The following ARHGAP18 variants were observed in gnomAD, a reference collection of about 807,000 sequenced individuals.
The protein encoded by ARHGAP18 is rho GTPase-activating protein 18.
ARHGAP18 carries 67 observed loss-of-function variants against 86.2 expected under a neutral mutation model. The ratio of observed to expected loss-of-function variants is 0.78; its 90% CI spans 0.64 to 0.95. The LOEUF is 0.95. ARHGAP18 is among the 40% of genes least tolerant of loss of function. The pLI, the probability that ARHGAP18 is intolerant of heterozygous loss-of-function variation, is 0.00. For missense variants in ARHGAP18, 691 were observed against 780.4 expected (o/e 0.89, Z 1.37); for synonymous variants, 283 against 280.4 (o/e 1.01, Z -0.09).
At chr6:129,599,459 T>C in intron 11 of ARHGAP18, 103 bp from the exon 12 acceptor site, 1 of 1,073,480 alleles carries the variant, frequency 9.3e-7, no homozygotes, top group Non-Finnish European at 1.2e-6. Context: ...CAGTAAAGAG[T>C]TTCTCTTTTT....
chr6:129,647,571 A>G (rs990964929), intron 1 of ARHGAP18, among the ~76,000 whole-genome samples: 22 of 151,924 alleles, frequency 1.4e-4, no homozygotes, highest in Admixed American at 9.8e-4. Context: ...TCCCACTTTT[A>G]TTTCCATGCA....
chr6:129,698,744 G>C (rs2114553494), intron 1 of ARHGAP18, among the ~76,000 whole-genome samples: 3 of 148,254 alleles, frequency 2.0e-5, no homozygotes, highest in Middle Eastern at 6.9e-3. Context: ...ACCCAAGCTG[G>C]AGTGCAATGG....
Position 129,634,082 on chromosome 6 carries a change from CT to C in ARHGAP18, c.575del (p.Gln192ArgfsTer26), listed in dbSNP as rs1483020428. The C allele has an allele frequency of 1.9e-6, 3 of 1,613,070 alleles. No individual in the cohort carries two copies. The highest frequency in any genetic ancestry group is 3.3e-5 in the Admixed American group (2 of 59,920). ...ATTTGTTTTCATTTGTTCTAAGTGA[CT>C]GCGATTCAGTGCCACCTGGAGCCTA... ...KETAPGGTES[Q>X]SLRTNENKYQ... On this transcript the variant is annotated frameshift_variant, in exon 4 of 15. Transcript: ENST00000368149. LOFTEE classifies it high-confidence loss of function.
rs1773787124 is a variant in ARHGAP18, at chr6:129,654,530, A to G, written c.114-12512T>C. 2.6e-5 allele frequency among the ~76,000 whole-genome samples: 4 copies of G among 152,132 alleles called. No individual in the cohort carries two copies. In the South Asian group the frequency reaches 8.3e-4, roughly 32 times the overall value. ...GAGTAGCAAAATTCCCACTTAACCAAAAGCAATATGGCATCAGGTTCCAAA... is the reference window on the plus strand; with the variant it reads ...GAGTAGCAAAATTCCCACTTAACCAGAAGCAATATGGCATCAGGTTCCAAA... On this transcript the variant is annotated intron_variant, in intron 1 of 14. Coordinates refer to ENST00000368149, the MANE Select transcript of ARHGAP18 (RefSeq NM_033515.3).
intron 11 of ARHGAP18, 36 bp from the exon 12 acceptor site, chr6:129,599,392 A>G (rs778349052): frequency 2.1e-6 from 3 of 1,418,032 alleles, no homozygotes; most frequent in African/African-American, 2.9e-5. Flanking sequence ...GAGAGGAAAA[A>G]GAAATGCCAC....
intron 1 of ARHGAP18, among the ~76,000 whole-genome samples, chr6:129,660,225 A>G (rs533124254): frequency 8.5e-5 from 13 of 152,332 alleles, no homozygotes; most frequent in South Asian, 2.1e-4. Flanking sequence ...TTTTAGAAAG[A>G]TAATTCTGAG....
intron 1 of ARHGAP18, among the ~76,000 whole-genome samples, chr6:129,703,098 T>C (rs965926405): frequency 6.6e-6 from 1 of 152,182 alleles, no homozygotes; most frequent in Non-Finnish European, 1.5e-5. Flanking sequence ...GAGGGAACTA[T>C]CCCTGTGGCC....
At chr6:129,708,778 A>G (rs1166992515) in intron 1 of ARHGAP18, among the ~76,000 whole-genome samples, 1 of 152,204 alleles carries the variant, frequency 6.6e-6, no homozygotes, top group East Asian at 1.9e-4. Flanking sequence ...AATGATTACT[A>G]ATACATTACA....
At chr6:129,661,126 TAGTC>T (rs1169233638) in intron 1 of ARHGAP18, among the ~76,000 whole-genome samples, 2 of 150,950 alleles carry the variant, frequency 1.3e-5, no homozygotes, top group Non-Finnish European at 2.9e-5. Flanking sequence ...TGTTCCTTAA[TAGTC>T]AGGGATGCTA....
rs1304431906 is a variant in ARHGAP18, at chr6:129,625,397, A to T, written c.786+3956T>A. On this transcript the variant is annotated intron_variant, in intron 5 of 14. Coordinates refer to ENST00000368149, the MANE Select transcript of ARHGAP18 (RefSeq NM_033515.3). The stretch of plus-strand genomic sequence containing the variant: ...TATATTATATATTATATATTTATAC[A>T]TATGTATTATATATTATATATAATA... Among the ~76,000 whole-genome samples the T allele has an allele frequency of 1.4e-4, 8 of 55,278 alleles. 1 individual carries two copies. Among genetic ancestry groups the T allele is most frequent in the African/African-American group, 8.3e-4 (7 of 8,434 alleles). The allele number at this position is 55,278 out of a possible 152,430, so 36.3% of individuals were successfully genotyped here.
Position 129,585,238 on chromosome 6 carries a change from G to A in ARHGAP18, c.1714-1126C>T, listed in dbSNP as rs187812853. ...ACCCAGGAGGCAGAGGTTGCAGTGA[G>A]CTGAGACGCACTCCAGCCTGGGAGA... On this transcript the variant is annotated intron_variant, in intron 12 of 14. Coordinates refer to ENST00000368149, the MANE Select transcript of ARHGAP18 (RefSeq NM_033515.3). 2.0e-3 allele frequency among the ~76,000 whole-genome samples: 306 copies of A among 151,960 alleles called. 1 individual carries two copies. The highest frequency in any genetic ancestry group is 2.7e-3 in the Non-Finnish European group (185 of 67,964).
chr6:129,666,704 T>A (rs1774047204), intron 1 of ARHGAP18, among the ~76,000 whole-genome samples: 1 of 152,218 alleles, frequency 6.6e-6, no homozygotes, highest in African/African-American at 2.4e-5. Context: ...ACATCCTGAC[T>A]ATACCTGCAC....
intron 1 of ARHGAP18, among the ~76,000 whole-genome samples, chr6:129,694,230 T>C (rs1774575611): frequency 6.6e-6 from 1 of 152,200 alleles, no homozygotes; most frequent in Admixed American, 6.5e-5. Context: ...TCACAAAAGA[T>C]AGAAACAAAA....
chr6:129,589,677 T>C (rs9385501), intron 12 of ARHGAP18, among the ~76,000 whole-genome samples: 19,427 of 152,162 alleles, frequency 0.13, 1,402 homozygotes, highest in East Asian at 0.3. Flanking sequence ...GGTATCTTTA[T>C]AGCAGCACCC....
chr6:129,653,612 A>C (rs1220416156), intron 1 of ARHGAP18, among the ~76,000 whole-genome samples: 4 of 152,230 alleles, frequency 2.6e-5, no homozygotes, highest in Admixed American at 1.3e-4. Flanking sequence ...ACAAAGTAGA[A>C]TATGTGAATA....
intron 1 of ARHGAP18, among the ~76,000 whole-genome samples, chr6:129,656,368 G>A (rs1451486574): frequency 6.6e-6 from 1 of 152,242 alleles, no homozygotes; most frequent in Non-Finnish European, 1.5e-5. Flanking sequence ...AGTAGGCCAG[G>A]TGCGGTGGCT....
chr6:129,668,649 C>G (rs889007987), intron 1 of ARHGAP18, among the ~76,000 whole-genome samples: 4 of 152,138 alleles, frequency 2.6e-5, no homozygotes, highest in African/African-American at 9.7e-5. Flanking sequence ...CCGGAGCCCA[C>G]CAGGCACTTT....
chr6:129,606,143 G>A (rs1208259010), intron 9 of ARHGAP18, among the ~76,000 whole-genome samples, 184 bp from the exon 10 acceptor site: 1 of 152,216 alleles, frequency 6.6e-6, no homozygotes, highest in Non-Finnish European at 1.5e-5. Context: ...AGCAGCTGCT[G>A]TTAGGAGCTT....
intron 1 of ARHGAP18, among the ~76,000 whole-genome samples, chr6:129,671,535 T>TA (rs985431825): frequency 4.0e-4 from 60 of 150,904 alleles, no homozygotes; most frequent in Admixed American, 2.1e-3. Flanking sequence ...CTCATCTCTA[T>TA]AAAAAAAAAT....
Sources: gnomAD v4.1 joint callset for allele counts (sites outside exome capture counted in the v4.1 genomes callset) on GRCh38, gnomAD v4.1.1 for gene constraint, MANE v1.5 for transcripts, NCBI Gene and HGNC (gene_info 2026-07-23, HGNC 2026-07-21) for gene names.